The following GRIK2 variants were observed in gnomAD, a reference collection of about 807,000 sequenced individuals.
GRIK2 encodes glutamate receptor ionotropic, kainate 2.
In GRIK2, 32 loss-of-function variants were observed where a neutral mutation model predicts 100.3. That is an observed-to-expected ratio of 0.32 (90% CI 0.24 to 0.43). The LOEUF (loss-of-function observed/expected upper bound fraction) is 0.43, where lower values mean the gene tolerates loss of function less well. GRIK2 is among the 20% of genes least tolerant of loss of function. The pLI is 1.00. For missense variants in GRIK2, 843 were observed against 1,114.9 expected (o/e 0.76, Z 3.47); for synonymous variants, 417 against 389.4 (o/e 1.07, Z -0.83).
Position 101,626,577 on chromosome 6 carries a change from T to C in GRIK2, c.481T>C (p.Leu161=). 6.2e-7 allele frequency: 1 copy of C among 1,613,986 alleles called. No individual in the cohort carries two copies. The highest frequency in any genetic ancestry group is 8.5e-7 in the Non-Finnish European group (1 of 1,179,888). Residue 161 remains leucine (L), a synonymous_variant, in exon 4 of 17, where the codon TTA becomes CTA. Coordinates refer to ENST00000369134, the MANE Select transcript of GRIK2 (RefSeq NM_021956.5). ...PDFSSLSRAI[L]DLVQFFKWKT... ...CTTCTCTTCACTCAGCCGTGCCATT[T>C]TAGACCTGGTGCAGTTTTTCAAGTG...
chr6:101,764,547 C>T (rs997926489), intron 7 of GRIK2, among the ~76,000 whole-genome samples: 6 of 152,040 alleles, frequency 3.9e-5, no homozygotes, highest in African/African-American at 1.5e-4. Flanking sequence ...TAGCATTTAT[C>T]TGCATTACTT....
At chr6:101,527,793 T>C (rs572307659) in intron 2 of GRIK2, among the ~76,000 whole-genome samples, 1 of 152,262 alleles carries the variant, frequency 6.6e-6, no homozygotes, top group Admixed American at 6.5e-5. Context: ...AATAGGAAAA[T>C]AGGTGTTCTT....
At chr6:102,015,197 C>T (rs1795768526) in intron 14 of GRIK2, among the ~76,000 whole-genome samples, 1 of 145,166 alleles carries the variant, frequency 6.9e-6, no homozygotes, top group South Asian at 2.1e-4. Context: ...TATTTAATGC[C>T]CTTCTTTTTT....
intron 14 of GRIK2, among the ~76,000 whole-genome samples, chr6:101,951,327 G>A (rs1224785032): frequency 1.3e-5 from 2 of 152,104 alleles, no homozygotes; most frequent in Non-Finnish European, 2.9e-5. Context: ...TTAGTCCTGT[G>A]TCAAATCTGA....
At chr6:101,619,710 T>C (rs1429070507) in intron 2 of GRIK2, among the ~76,000 whole-genome samples, 1 of 152,116 alleles carries the variant, frequency 6.6e-6, no homozygotes, top group Non-Finnish European at 1.5e-5. Context: ...TTAACTATTT[T>C]TCTGTTTCAT....
At chr6:101,594,492 G>A (rs1244058026) in intron 2 of GRIK2, among the ~76,000 whole-genome samples, 1 of 151,780 alleles carries the variant, frequency 6.6e-6, no homozygotes, top group Non-Finnish European at 1.5e-5. Context: ...ACCATAAAAT[G>A]GGTTTAAGGC....
At chr6:101,926,028 ATATTTT>A (rs1789866147) in intron 13 of GRIK2, among the ~76,000 whole-genome samples, 1 of 151,050 alleles carries the variant, frequency 6.6e-6, no homozygotes, top group Non-Finnish European at 1.5e-5. Context: ...TATGTAAACT[ATATTTT>A]TATATATAGT....
At chr6:102,039,835 G>A (rs1770473439) in intron 15 of GRIK2, among the ~76,000 whole-genome samples, 2 of 151,592 alleles carry the variant, frequency 1.3e-5, no homozygotes, top group South Asian at 2.1e-4. Flanking sequence ...AATGACTGAA[G>A]GGTCTCATTA....
chr6:101,946,522 A>G (rs1474237134), intron 14 of GRIK2, among the ~76,000 whole-genome samples: 2 of 152,122 alleles, frequency 1.3e-5, no homozygotes, highest in Non-Finnish European at 2.9e-5. Flanking sequence ...CTGTTGAAAA[A>G]AAAAATAAGA....
chr6:101,415,017 T>C (rs958252428), intron 2 of GRIK2, among the ~76,000 whole-genome samples: 4 of 151,754 alleles, frequency 2.6e-5, no homozygotes, highest in Non-Finnish European at 5.9e-5. Context: ...GGTGTGTGTG[T>C]GTGTTGTTAT....
intron 14 of GRIK2, among the ~76,000 whole-genome samples, chr6:102,031,765 C>T (rs1297786604): frequency 6.6e-6 from 1 of 151,268 alleles, no homozygotes; most frequent in Non-Finnish European, 1.5e-5. Flanking sequence ...TGGCCTCCAT[C>T]CAGCTGCATC....
At chr6:101,552,555 C>G (rs535707986) in intron 2 of GRIK2, among the ~76,000 whole-genome samples, 171 of 152,240 alleles carry the variant, frequency 1.1e-3, no homozygotes, top group African/African-American at 3.7e-3. Context: ...AAAGGATAAT[C>G]CTCCCCATTC....
chr6:101,821,184 A>C lies in GRIK2; in HGVS notation c.1317+2701A>C, dbSNP rs1781927885. 2.0e-5 allele frequency among the ~76,000 whole-genome samples: 3 copies of C among 152,296 alleles called. No homozygotes were observed. In the East Asian group the frequency reaches 5.8e-4, roughly 29 times the overall value. On this transcript the variant is annotated intron_variant, in intron 10 of 16. Transcript: ENST00000369134. ...TTATCTAGTACAAATAAAGCAGGTG[A>C]TTAAGAGTACCCATATAATTTCTCA...
chr6:101,782,293 T>G (rs1779145800), intron 7 of GRIK2, among the ~76,000 whole-genome samples: 1 of 152,176 alleles, frequency 6.6e-6, no homozygotes, highest in East Asian at 1.9e-4. Context: ...TATTAGAACT[T>G]ATTTCTTCTA....
intron 7 of GRIK2, chr6:101,744,559 T>TAC (rs1776302641): frequency 9.0e-6 from 1 of 111,524 alleles, no homozygotes; most frequent in Admixed American, 8.9e-5. Flanking sequence ...TATATATATA[T>TAC]CACAATTTCT....
At chr6:101,938,013 A>G (rs971520922) in intron 14 of GRIK2, among the ~76,000 whole-genome samples, 3 of 151,994 alleles carry the variant, frequency 2.0e-5, no homozygotes, top group African/African-American at 7.2e-5. Context: ...CTGAATTTTC[A>G]TTTGTTCATT....
intron 2 of GRIK2, among the ~76,000 whole-genome samples, chr6:101,510,184 G>A (rs1295212505): frequency 6.6e-6 from 1 of 152,068 alleles, no homozygotes; most frequent in Admixed American, 6.6e-5. Context: ...GTTCTATTGG[G>A]CAAACATGTC....
intron 2 of GRIK2, among the ~76,000 whole-genome samples, chr6:101,455,639 G>A (rs1770963845): frequency 6.6e-6 from 1 of 151,970 alleles, no homozygotes; most frequent in East Asian, 1.9e-4. Flanking sequence ...TGAGTGTCCA[G>A]TAATTTTTCT....
At chr6:101,714,268 ATTAATGAG>A (rs1773913531) in intron 7 of GRIK2, among the ~76,000 whole-genome samples, 1 of 151,726 alleles carries the variant, frequency 6.6e-6, no homozygotes, top group Non-Finnish European at 1.5e-5. Flanking sequence ...ACTAAAATGA[ATTAATGAG>A]TTAAGTCTTA....
Sources: allele counts gnomAD v4.1 joint callset (sites outside exome capture counted in the v4.1 genomes callset), GRCh38; gene constraint gnomAD v4.1.1; transcripts MANE v1.5; gene names NCBI Gene and HGNC (gene_info 2026-07-23, HGNC 2026-07-21).